The following PRDM1 variants were observed in gnomAD, a reference collection of about 807,000 sequenced individuals.
PRDM1 encodes PR domain zinc finger protein 1.
A neutral mutation model predicts 62.8 loss-of-function variants in PRDM1; 13 were observed. That is an observed-to-expected ratio of 0.21 (90% CI 0.13 to 0.33). The LOEUF is 0.33. Among genes scored for constraint, PRDM1 ranks in the 10% least tolerant of loss-of-function variants. PRDM1 has a pLI of 1.00. For missense variants in PRDM1, 895 were observed against 1,058.8 expected, an observed-to-expected ratio of 0.85 and a Z score of 2.15; for synonymous variants, 396 against 417.6, an observed-to-expected ratio of 0.95 and a Z score of 0.63.
At position 106,086,586 on chromosome 6, in the gene PRDM1, T is replaced by C. The variant is rs749362234; in HGVS notation, c.33T>C (p.Gly11=). The change falls in exon 1 of 7, where the codon GGT becomes GGC. Residue 11 remains glycine (G), a synonymous_variant. Transcript: ENST00000369096. Reference sequence around the variant, plus strand: ...ATATTTGCTTGGAAAAACGTGTGGGTACGACCTTGGTAAGGAACTTGAATT... The same window carrying C: ...ATATTTGCTTGGAAAAACGTGTGGGCACGACCTTGGTAAGGAACTTGAATT... MLDICLEKRV[G]TTLAAPKCNS... is the part of the protein sequence containing the mutation. 11 of 1,551,664 alleles carry C rather than the reference T, an allele frequency of 7.1e-6. No individual in the cohort carries two copies. Among genetic ancestry groups the C allele is most frequent in the Non-Finnish European group, 9.6e-6 (11 of 1,146,628 alleles).
At chr6:106,076,373 A>G (rs1222303997) in intron 1 of PRDM1, among the ~76,000 whole-genome samples, 2 of 152,232 alleles carry the variant, frequency 1.3e-5, no homozygotes, top group East Asian at 3.8e-4. Context: ...TAAATTTTGT[A>G]TACAGAAAGA....
intron 1 of PRDM1, among the ~76,000 whole-genome samples, chr6:106,031,196 G>A (rs894378395): frequency 6.6e-6 from 1 of 152,124 alleles, no homozygotes; most frequent in Non-Finnish European, 1.5e-5. Flanking sequence ...GTGTTATATA[G>A]AGGAAACAAA....
chr6:106,078,270 A>C (rs987816126), intron 1 of PRDM1: 5 of 152,298 alleles, frequency 3.3e-5, no homozygotes, highest in South Asian at 4.1e-4. Flanking sequence ...GGAAGACATA[A>C]ATTTTCAGTC....
intron 1 of PRDM1, among the ~76,000 whole-genome samples, chr6:106,065,130 G>A (rs953360545): frequency 2.0e-5 from 3 of 152,058 alleles, no homozygotes; most frequent in African/African-American, 7.2e-5. Context: ...TTGATCTTAT[G>A]TATTTATTGA....
In PRDM1 at chr6:106,106,817, C is replaced by A; in HGVS notation, c.1903-94C>A. ...GCTTCTCACCTCCTAGGTTGCTGGG[C>A]GTTGGCCGGTAAGCCTGCCCCTCCC... is the stretch of plus-strand genomic sequence containing the variant. On this transcript the variant is annotated intron_variant, in intron 6 of 6. Coordinates refer to ENST00000369096, the MANE Select transcript of PRDM1 (RefSeq NM_001198.4). The surrounding 1 kb of genome is among the most constrained non-coding windows in gnomAD (Gnocchi z 4.4). The A allele has an allele frequency of 2.2e-6, 3 of 1,363,012 alleles. No homozygotes were observed. The highest frequency in any genetic ancestry group is 3.0e-6 in the Non-Finnish European group (3 of 994,810). The allele number at this position is 1,363,012 out of a possible 1,614,324, so 84.4% of individuals were successfully genotyped here.
intron 2 of PRDM1, 59 bp downstream of exon 2, chr6:106,088,508 G>A (rs2114618589): frequency 6.3e-7 from 1 of 1,595,082 alleles, no homozygotes; most frequent in Non-Finnish European, 8.6e-7. Context: ...CTCCCTACTT[G>A]CCCTTGAGGC....
chr6:106,035,457 C>T (rs565273855), intron 1 of PRDM1, among the ~76,000 whole-genome samples: 19 of 152,048 alleles, frequency 1.2e-4, no homozygotes, highest in African/African-American at 4.3e-4. Context: ...CCCCCCTCCC[C>T]GTCTCTATAG....
In PRDM1 at chr6:106,109,489, A is replaced by G; in HGVS notation, c.*2003A>G. On this transcript the variant is annotated 3_prime_UTR_variant, in exon 7 of 7. Transcript: ENST00000369096. ...ACCTGTAGAAGAGAACAAATTTCGA[A>G]TAATCCAGGGAAACCCAAGAGCCTT... 2 of 233,730 alleles carry G rather than the reference A, an allele frequency of 8.6e-6. No homozygotes were observed. The highest frequency in any genetic ancestry group is 2.6e-3 in the Middle Eastern group (2 of 784). The allele number at this position is 233,730 out of a possible 1,614,324, so 14.5% of individuals were successfully genotyped here. A position where few individuals can be genotyped will look rare whatever the true frequency, so the allele number is the denominator to read the frequency against.
chr6:106,077,841 C>A (rs1407196134), intron 1 of PRDM1, among the ~76,000 whole-genome samples: 7 of 152,136 alleles, frequency 4.6e-5, no homozygotes, highest in African/African-American at 1.2e-4. Flanking sequence ...GGAAATAAAT[C>A]TTTGATTTGT....
chr6:106,018,391 A>G (rs1462153110), intron 1 of PRDM1, among the ~76,000 whole-genome samples: 1 of 152,242 alleles, frequency 6.6e-6, no homozygotes, highest in Admixed American at 6.5e-5. Context: ...CACATCTTAC[A>G]TTAGTCAATT....
At position 106,105,541 on chromosome 6, in the gene PRDM1, C is replaced by T. The variant is rs754668509; in HGVS notation, c.1381C>T (p.Leu461Phe). The change falls in exon 5 of 7, where the codon CTC becomes TTC. Residue 461 changes from leucine to phenylalanine, a missense_variant. Physicochemically the swap from Leu to Phe is conservative, Grantham distance 22. Around this residue, in one of 4 missense-constraint regions of PRDM1, gnomAD observed 444 missense variants for 422.7 expected, o/e 1.05. Transcript: ENST00000369096. Reference protein sequence around the residue: ...LGGGSLPHPMLNPTSLPSSLP... With the variant: ...LGGGSLPHPMFNPTSLPSSLP... Reference sequence around the variant, plus strand: ...TGGGGGCAGCCTGCCCCACCCCATGCTCAACCCCACTTCTCTCCCGAGCTC... The same window carrying T: ...TGGGGGCAGCCTGCCCCACCCCATGTTCAACCCCACTTCTCTCCCGAGCTC... 9.9e-6 allele frequency: 16 copies of T among 1,612,988 alleles called. No homozygotes were observed. The South Asian group carries it at 1.3e-4, about 13-fold the overall frequency.
chr6:106,038,014 C>CTTTTTTTCTTTTTTTTTTT (rs1772945145), intron 1 of PRDM1, among the ~76,000 whole-genome samples: 1 of 47,800 alleles, frequency 2.1e-5, no homozygotes, highest in African/African-American at 8.6e-5. Flanking sequence ...CTATTTTTGT[C>CTTTTTTTCTTTTTTTTTTT]TTTTTTTTTT....
chr6:106,097,791 G>T lies in PRDM1; in HGVS notation c.412-1509G>T, dbSNP rs545983572. On this transcript the variant is annotated intron_variant, in intron 3 of 6. Transcript: ENST00000369096. ...GCTTTAGAAAGCAGTTTCCGCACCA[G>T]CGAAGAGTACAAGAGCGATGGAACC... Among the ~76,000 whole-genome samples, 27 of 152,348 alleles carry T rather than the reference G, an allele frequency of 1.8e-4. No individual in the cohort carries two copies. The South Asian group carries it at 5.6e-3, about 32-fold the overall frequency.
At chr6:106,022,864 A>T (rs1018248939) in intron 1 of PRDM1, among the ~76,000 whole-genome samples, 2 of 152,178 alleles carry the variant, frequency 1.3e-5, no homozygotes, top group Non-Finnish European at 2.9e-5. Context: ...CCATAAATGA[A>T]ATATTGAACA....
intron 1 of PRDM1, among the ~76,000 whole-genome samples, chr6:106,080,097 A>G (rs1205720300): frequency 6.6e-6 from 1 of 152,190 alleles, no homozygotes; most frequent in Non-Finnish European, 1.5e-5. Context: ...ATAGAATTAC[A>G]TCCTTTGGGG....
chr6:106,026,492 AAATAAT>A (rs539249482), intron 1 of PRDM1, among the ~76,000 whole-genome samples: 26 of 151,832 alleles, frequency 1.7e-4, no homozygotes, highest in African/African-American at 6.0e-4. Flanking sequence ...AAATAATAAT[AAATAAT>A]AATAATAATA....
Position 106,019,160 on chromosome 6 carries a change from G to T in PRDM1, c.-67+25521G>T, listed in dbSNP as rs555076337. The stretch of plus-strand genomic sequence containing the variant: ...ACACACCTATAGTCCCAGCTACTCA[G>T]GAAGCTGAGGCACAAGAATCGCTTC... On this transcript the variant is annotated intron_variant, in intron 1 of 6. Transcript: ENST00000652320. Among the ~76,000 whole-genome samples, 15 of 148,788 alleles carry T rather than the reference G, an allele frequency of 1.0e-4. No homozygotes were observed. In the East Asian group the frequency reaches 2.8e-3, roughly 27 times the overall value.
intron 1 of PRDM1, among the ~76,000 whole-genome samples, chr6:106,033,485 TG>T (rs749258135): frequency 2.0e-4 from 30 of 152,130 alleles, no homozygotes; most frequent in Non-Finnish European, 3.5e-4. Context: ...ATTTTTAGTA[TG>T]TTTTTTTCTT....
At chr6:105,992,713 AC>A (rs1464325221), upstream of PRDM1, among the ~76,000 whole-genome samples, 2 of 152,044 alleles carry the variant, frequency 1.3e-5, no homozygotes, top group Non-Finnish European at 2.9e-5. Flanking sequence ...GGCTGTTACC[AC>A]CTAAACGCCA....
Sources: gnomAD v4.1 joint callset for allele counts (sites outside exome capture counted in the v4.1 genomes callset) on GRCh38, gnomAD v4.1.1 for gene constraint, gnomAD v4.1.1 regional missense constraint, Gnocchi (gnomAD v3.1) non-coding constraint, MANE v1.5 for transcripts, NCBI Gene and HGNC (gene_info 2026-07-23, HGNC 2026-07-21) for gene names.